Variants in SCLT1 observed in about 807,000 individuals in gnomAD.
SCLT1 encodes the protein sodium channel and clathrin linker 1, also known as sodium channel-associated protein 1.
Under a neutral mutation model 112.8 loss-of-function variants are expected in SCLT1, and 78 were observed. That is an observed-to-expected ratio of 0.69 (90% CI 0.58 to 0.83). The LOEUF is 0.83. Ranked by LOEUF, SCLT1 falls within the 40% of genes least tolerant of loss-of-function variation. The pLI, the probability that SCLT1 is intolerant of heterozygous loss-of-function variation, is 0.00. For missense variants in SCLT1, 747 were observed against 770.4 expected, an observed-to-expected ratio of 0.97 and a Z score of 0.36; for synonymous variants, 257 against 254.7, an observed-to-expected ratio of 1.01 and a Z score of -0.09.
At chr4:128,883,157 C>CAAAAAAAAAA (rs34993678), downstream of SCLT1, among the ~76,000 whole-genome samples, 422 of 57,364 alleles carry the variant, frequency 7.4e-3, no homozygotes, top group Middle Eastern at 0.012. Flanking sequence ...ACAACAACAA[C>CAAAAAAAAAA]AAAAAAAAAA....
chr4:128,993,991 AT>A (rs1286152990), intron 8 of SCLT1, among the ~76,000 whole-genome samples: 2 of 152,106 alleles, frequency 1.3e-5, no homozygotes, highest in African/African-American at 4.8e-5. Flanking sequence ...ACTAATTTGC[AT>A]TGGTAAAGAA....
chr4:128,902,187 G>A (rs1227977142), intron 18 of SCLT1, among the ~76,000 whole-genome samples: 1 of 152,126 alleles, frequency 6.6e-6, no homozygotes, highest in Non-Finnish European at 1.5e-5. Context: ...TTATAGTTGT[G>A]AGCCACCGTA....
At chr4:129,020,656 T>C (rs1362242191) in intron 5 of SCLT1, among the ~76,000 whole-genome samples, 2 of 152,216 alleles carry the variant, frequency 1.3e-5, no homozygotes, top group African/African-American at 4.8e-5. Flanking sequence ...AACACACCTG[T>C]AGATACATTC....
chr4:129,036,223 T>C (rs796268263), intron 5 of SCLT1, among the ~76,000 whole-genome samples: 1 of 152,086 alleles, frequency 6.6e-6, no homozygotes, highest in South Asian at 2.1e-4. Flanking sequence ...TCCATTTTTT[T>C]ACACTTTCCT....
chr4:128,999,781 G>C lies in SCLT1; in HGVS notation c.440C>G (p.Ala147Gly), dbSNP rs1395837611. The C allele has an allele frequency of 3.1e-6, 5 of 1,596,044 alleles. No homozygotes were observed. The highest frequency in any genetic ancestry group is 4.3e-6 in the Non-Finnish European group (5 of 1,171,452). The change falls in exon 7 of 21, where the codon GCT (alanine) becomes GGT (glycine). Residue 147 changes from alanine (A) to glycine (G), a missense_variant. Physicochemically the swap from Ala to Gly is moderately conservative, Grantham distance 60. Transcript: ENST00000281142. ...AGAAACAGTCTGCCAGAGTTCCACA[G>C]CCTGAGTTTTTTCCTATTAAAAAAG... ...LQLANQEKTQAVELWQTVSQE... is the reference protein window; with the variant it reads ...LQLANQEKTQGVELWQTVSQE...
intron 9 of SCLT1, among the ~76,000 whole-genome samples, chr4:128,977,563 A>T (rs964616013): frequency 6.6e-6 from 1 of 152,228 alleles, no homozygotes; most frequent in Non-Finnish European, 1.5e-5. Flanking sequence ...TAGGAAAGAC[A>T]TGGGTCATCA....
intron 4 of SCLT1, among the ~76,000 whole-genome samples, chr4:129,042,486 A>G (rs1045952313): frequency 6.6e-6 from 1 of 152,176 alleles, no homozygotes; most frequent in African/African-American, 2.4e-5. Flanking sequence ...AGAATGAGGT[A>G]AGGAGGAAGG....
At chr4:128,906,947 T>A (rs2125941527) in intron 18 of SCLT1, among the ~76,000 whole-genome samples, 1 of 152,256 alleles carries the variant, frequency 6.6e-6, no homozygotes, top group Non-Finnish European at 1.5e-5. Context: ...GTTAGAGCTG[T>A]CTCTTCAGAG....
At chr4:129,068,369 C>A (rs1052032501) in intron 2 of SCLT1, among the ~76,000 whole-genome samples, 2 of 152,162 alleles carry the variant, frequency 1.3e-5, no homozygotes, top group South Asian at 2.1e-4. Context: ...TTCACTGCAT[C>A]CACGCCAACA....
intron 8 of SCLT1, among the ~76,000 whole-genome samples, chr4:128,995,778 T>A (rs967372683): frequency 3.9e-5 from 6 of 152,028 alleles, no homozygotes; most frequent in Non-Finnish European, 8.8e-5. Context: ...CTGGACCTAT[T>A]AGAGCTTCGT....
intron 16 of SCLT1, chr4:128,944,675 A>C (rs1737990332): frequency 6.6e-6 from 1 of 152,222 alleles, no homozygotes; most frequent in African/African-American, 2.4e-5. Context: ...CCTTTAAATG[A>C]AGTAACTAAG....
chr4:128,877,171 G>C (rs528812787), intron 3 of SCLT1, among the ~76,000 whole-genome samples: 4 of 152,294 alleles, frequency 2.6e-5, no homozygotes, highest in African/African-American at 7.2e-5. Flanking sequence ...TAATTACAAA[G>C]GTTTATCAAG....
chr4:129,064,466 A>T (rs1750291421), intron 2 of SCLT1, among the ~76,000 whole-genome samples: 1 of 152,198 alleles, frequency 6.6e-6, no homozygotes, highest in African/African-American at 2.4e-5. Flanking sequence ...CTCCAGTTTA[A>T]TTCTATGAGC....
intron 2 of SCLT1, among the ~76,000 whole-genome samples, chr4:129,054,985 G>GT (rs749607978): frequency 1.4e-3 from 213 of 152,246 alleles, no homozygotes; most frequent in Middle Eastern, 0.014. Flanking sequence ...ACTGGTTTCC[G>GT]TTTTTTAGCT....
At chr4:129,014,123 T>A (rs1421125249) in intron 5 of SCLT1, among the ~76,000 whole-genome samples, 1 of 152,204 alleles carries the variant, frequency 6.6e-6, no homozygotes, top group African/African-American at 2.4e-5. Flanking sequence ...GTGATTGCAT[T>A]ATAAAATTAT....
Position 129,049,445 on chromosome 4 carries a change from CA to C in SCLT1, c.103-5395del, listed in dbSNP as rs1333727802. Among the ~76,000 whole-genome samples the C allele has an allele frequency of 7.1e-5, 9 of 127,226 alleles. No homozygotes were observed. The South Asian group carries it at 1.6e-3, about 23-fold the overall frequency. 83.5% of individuals were successfully genotyped at this position (127,226 alleles called of 152,430 possible). On this transcript the variant is annotated intron_variant, in intron 2 of 20. Transcript: ENST00000281142. ...ATTGAACAATGAGAACACATGGACACAGGAAGGGGAACATCACACTCTGGGG... is the reference window on the plus strand; with the variant it reads ...ATTGAACAATGAGAACACATGGACACGGAAGGGGAACATCACACTCTGGGG...
rs1746131840 is a variant in SCLT1 at position 129,026,745 on chromosome 4, A to C, written c.290+12296T>G. ...CAGAGACACAAAAAACCCTTCAAAA[A>C]ATTAATGAATCCAGGAGCTGGTTTT... On this transcript the variant is annotated intron_variant, in intron 5 of 20. Transcript: ENST00000281142. 4.6e-5 allele frequency among the ~76,000 whole-genome samples: 7 copies of C among 152,318 alleles called. 1 individual carries two copies. The South Asian group carries it at 1.4e-3, about 32-fold the overall frequency.
At chr4:129,037,326 T>C (rs961686738) in intron 5 of SCLT1, 1 of 152,156 alleles carries the variant, frequency 6.6e-6, no homozygotes, top group African/African-American at 2.4e-5. Context: ...CAAAACTACA[T>C]TGCCCAGATG....
intron 11 of SCLT1, among the ~76,000 whole-genome samples, chr4:128,962,108 CT>C (rs1489473705): frequency 6.6e-6 from 1 of 152,112 alleles, no homozygotes; most frequent in Non-Finnish European, 1.5e-5. Flanking sequence ...CTTGTTTTAG[CT>C]TCCTGTTTTT....
Sources: gnomAD v4.1 joint callset for allele counts (sites outside exome capture counted in the v4.1 genomes callset) on GRCh38, gnomAD v4.1.1 for gene constraint, MANE v1.5 for transcripts, NCBI Gene and HGNC (gene_info 2026-07-23, HGNC 2026-07-21) for gene names.